The following OTUD7B variants were observed in gnomAD, a reference collection of about 807,000 sequenced individuals.
The protein encoded by OTUD7B is OTU deubiquitinase 7B.
Under a neutral mutation model 82.2 loss-of-function variants are expected in OTUD7B, and 34 were observed. That is an observed-to-expected ratio of 0.41 (90% confidence interval 0.31 to 0.55). The LOEUF (loss-of-function observed/expected upper bound fraction) is 0.55. OTUD7B is among the 20% of genes least tolerant of loss of function. The pLI is 0.20. For synonymous variants in OTUD7B, 398 were observed against 402.7 expected (o/e 0.99, Z 0.14); for missense variants, 944 against 1,062.1 (o/e 0.89, Z 1.55).
chr1:150,062,580 C>A, the OTUD7B span, among the ~76,000 whole-genome samples: 1 of 152,084 alleles, frequency 6.6e-6, no homozygotes, highest in Non-Finnish European at 1.5e-5. Flanking sequence ...TATATCAGAG[C>A]AACTTACAAA....
chr1:150,066,840 T>C, the OTUD7B span: 1 of 152,294 alleles, frequency 6.6e-6, no homozygotes, highest in Non-Finnish European at 1.5e-5. This position sits in a 1 kb window ranked among gnomAD's most constrained non-coding sequence, Gnocchi z 4.6. Context: ...ATGCAGACAT[T>C]TGGAAGTTGA....
chr1:150,032,817 G>A, the OTUD7B span, among the ~76,000 whole-genome samples: 7 of 152,086 alleles, frequency 4.6e-5, no homozygotes, highest in Non-Finnish European at 7.4e-5. Context: ...GAATTTAATC[G>A]TGTCTTGGCC....
intron 1 of OTUD7B, among the ~76,000 whole-genome samples, chr1:149,985,175 A>AG (rs1651044214): frequency 6.6e-6 from 1 of 152,156 alleles, no homozygotes; most frequent in South Asian, 2.1e-4. Flanking sequence ...TGGGAGGCCG[A>AG]GGCGGGCAGA....
upstream of OTUD7B, among the ~76,000 whole-genome samples, chr1:150,012,398 A>G (rs587638983): frequency 5.3e-5 from 8 of 152,340 alleles, no homozygotes; most frequent in East Asian, 1.3e-3. Context: ...TTCTGGAATG[A>G]TTGTGACAAC....
the OTUD7B span, among the ~76,000 whole-genome samples, chr1:150,027,024 G>C: frequency 3.3e-5 from 5 of 152,162 alleles, no homozygotes; most frequent in Non-Finnish European, 7.3e-5. Flanking sequence ...CATTAATCAT[G>C]TGATGTGTTC....
At chr1:150,057,947 G>A in the OTUD7B span, among the ~76,000 whole-genome samples, 24,632 of 152,128 alleles carry the variant, frequency 0.16, 2,195 homozygotes, top group African/African-American at 0.21. Flanking sequence ...CAAGCCTAAA[G>A]CAGAAAAGTA....
chr1:149,944,129 G>A lies in OTUD7B; in HGVS notation c.2260C>T (p.His754Tyr). ...DSIPSLEPGS[H>Y]SKDGLHRGAL... ...CCCCTGTGAAGTCCATCCTTAGAGT[G>A]GCTGCCTGGCTCCAGAGAAGGGATG... is the stretch of plus-strand genomic sequence containing the variant. Residue 754 changes from histidine to tyrosine, a missense_variant, in exon 12 of 12, where the codon CAC becomes TAC. By Grantham distance (83) the His-to-Tyr change is moderately conservative. Around this residue, in one of 3 missense-constraint regions of OTUD7B, gnomAD observed 412 missense variants for 418.7 expected, o/e 0.98. Transcript: ENST00000581312. The A allele has an allele frequency of 6.2e-7, 1 of 1,614,060 alleles. No individual in the cohort carries two copies.
chr1:149,957,906 A>T (rs1252191529), intron 7 of OTUD7B, among the ~76,000 whole-genome samples: 1 of 152,212 alleles, frequency 6.6e-6, no homozygotes, highest in Non-Finnish European at 1.5e-5. Flanking sequence ...TAGGGTGGGA[A>T]TGTCCCGATT....
intron 7 of OTUD7B, among the ~76,000 whole-genome samples, chr1:149,955,488 T>C (rs147792870): frequency 0.018 from 2,733 of 152,274 alleles, 67 homozygotes; most frequent in African/African-American, 0.059. Context: ...GGAATAAGTG[T>C]GATGTGGTGC....
At position 149,967,427 on chromosome 1, in the gene OTUD7B, G is replaced by T. The variant is rs782396716; in HGVS notation, c.369C>A (p.Ser123Arg). The T allele has an allele frequency of 3.1e-6, 5 of 1,614,104 alleles. No homozygotes were observed. Among genetic ancestry groups the T allele is most frequent in the South Asian group, 1.1e-5 (1 of 91,080 alleles). The change falls in exon 4 of 12, where the codon AGC becomes AGA. Residue 123 changes from serine to arginine, a missense_variant. Transcript: ENST00000581312. ...TGGGCATTTCCAGGGGGTGCTCATT[G>T]CTCCCCCCACCCCCACCATTGGAGG... ...HVSSNGGGGG[S>R]NEHPLEMPIC... is the part of the protein sequence containing the mutation.
At chr1:150,016,197 T>C in the OTUD7B span, among the ~76,000 whole-genome samples, 1 of 152,186 alleles carries the variant, frequency 6.6e-6, no homozygotes, top group Admixed American at 6.5e-5. Flanking sequence ...CTATTGCTTG[T>C]AACCAAAATA....
intron 1 of OTUD7B, among the ~76,000 whole-genome samples, chr1:149,990,962 G>A (rs1651525581): frequency 1.3e-5 from 2 of 149,062 alleles, no homozygotes; most frequent in Non-Finnish European, 3.0e-5. Context: ...TTGCACTCCA[G>A]CCTGGGCAAC....
At chr1:150,006,130 T>A (rs189442663) in intron 1 of OTUD7B, among the ~76,000 whole-genome samples, 123 of 152,240 alleles carry the variant, frequency 8.1e-4, no homozygotes, top group Admixed American at 6.6e-3. Flanking sequence ...ATTAGTATGA[T>A]CCCCAAAAAT....
intron 5 of OTUD7B, among the ~76,000 whole-genome samples, chr1:149,965,564 T>C (rs1649470274): frequency 6.6e-6 from 1 of 152,192 alleles, no homozygotes; most frequent in South Asian, 2.1e-4. Context: ...ATATCTGTGC[T>C]CTCTTCACTA....
At chr1:149,987,986 C>T (rs1651269251) in intron 1 of OTUD7B, among the ~76,000 whole-genome samples, 1 of 152,146 alleles carries the variant, frequency 6.6e-6, no homozygotes, top group African/African-American at 2.4e-5. Flanking sequence ...ATCCTACCTC[C>T]CCCACCTGTA....
At chr1:149,949,528 G>T in intron 9 of OTUD7B, 101 bp downstream of exon 9, 1 of 1,222,500 alleles carries the variant, frequency 8.2e-7, no homozygotes, top group Non-Finnish European at 1.2e-6. Flanking sequence ...AACATGTGCT[G>T]TCTGGGCTTG....
At chr1:149,947,888 T>G (rs1647877549) in intron 10 of OTUD7B, among the ~76,000 whole-genome samples, 1 of 151,960 alleles carries the variant, frequency 6.6e-6, no homozygotes. Flanking sequence ...CACAGGGAGG[T>G]AGAGTGGGGG....
At chr1:150,039,096 T>C in the OTUD7B span, among the ~76,000 whole-genome samples, 1 of 152,128 alleles carries the variant, frequency 6.6e-6, no homozygotes, top group Non-Finnish European at 1.5e-5. Context: ...CTAAACTATC[T>C]TAATTACTCT....
rs1038266896 is a variant in OTUD7B, at chr1:149,941,982, A to T, written c.*1875T>A. The T allele has an allele frequency of 2.9e-4, 44 of 152,278 alleles. No homozygotes were observed. The highest frequency in any genetic ancestry group is 1.0e-3 in the African/African-American group (43 of 41,462). 9.4% of individuals were successfully genotyped at this position (152,278 alleles called of 1,614,324 possible). On this transcript the variant is annotated 3_prime_UTR_variant, in exon 12 of 12. Coordinates refer to ENST00000581312, the MANE Select transcript of OTUD7B (RefSeq NM_020205.4). ...AATTAATAGCCATAGGAAATTATTA[A>T]ATCAGATTTGGAAAATAGGTGACTT...
Sources: allele counts gnomAD v4.1 joint callset (sites outside exome capture counted in the v4.1 genomes callset), GRCh38; gene constraint gnomAD v4.1.1; regional missense constraint gnomAD v4.1.1; non-coding constraint Gnocchi (gnomAD v3.1); transcripts MANE v1.5; gene names NCBI Gene and HGNC (gene_info 2026-07-23, HGNC 2026-07-21).